ADAMTSL1: variants seen among roughly 807,000 people sequenced by gnomAD.
ADAMTSL1 encodes ADAMTS like 1, also known as ADAMTS-like protein 1.
A neutral mutation model predicts 201.8 loss-of-function variants in ADAMTSL1; 126 were observed. The observed-to-expected ratio is 0.62, with a 90% CI of 0.54 to 0.72. The LOEUF (loss-of-function observed/expected upper bound fraction) is 0.72. ADAMTSL1 is among the 30% of genes least tolerant of loss of function. The pLI is 0.00. For synonymous variants in ADAMTSL1, 1,121 were observed against 903.4 expected, an observed-to-expected ratio of 1.24 and a Z score of -4.32; for missense variants, 2,679 against 2,277.8, an observed-to-expected ratio of 1.18 and a Z score of -3.59.
intron 2 of ADAMTSL1, among the ~76,000 whole-genome samples, chr9:18,318,266 G>T (rs1342605332): frequency 6.6e-6 from 1 of 152,178 alleles, no homozygotes; most frequent in African/African-American, 2.4e-5. Context: ...GCATTTTAGA[G>T]AGTGGCCCCA....
intron 2 of ADAMTSL1, among the ~76,000 whole-genome samples, chr9:18,528,252 G>T (rs187695624): frequency 6.6e-6 from 1 of 151,964 alleles, no homozygotes; most frequent in Non-Finnish European, 1.5e-5. Flanking sequence ...TGTTACAAAG[G>T]TAAACGTGTG....
At chr9:18,284,960 G>A (rs1832939975) in intron 2 of ADAMTSL1, among the ~76,000 whole-genome samples, 1 of 152,088 alleles carries the variant, frequency 6.6e-6, no homozygotes, top group African/African-American at 2.4e-5. Context: ...GAACATTTTG[G>A]TCACTTTCAA....
At position 18,848,509 on chromosome 9, in the gene ADAMTSL1, C is replaced by T. The variant is rs189210355; in HGVS notation, c.4249+18532C>T. On this transcript the variant is annotated intron_variant, in intron 23 of 28. Transcript: ENST00000380548. ...GTTCCAGTCAAACCTCTCCCTCATA[C>T]TTGCCATGGCCTTGAGCCTCATGTA... 2.0e-5 allele frequency among the ~76,000 whole-genome samples: 3 copies of T among 152,302 alleles called. No individual in the cohort carries two copies. In the East Asian group the frequency reaches 5.8e-4, roughly 29 times the overall value.
intron 1 of ADAMTSL1, among the ~76,000 whole-genome samples, chr9:18,083,548 G>A (rs1400741275): frequency 2.6e-5 from 4 of 152,116 alleles, no homozygotes; most frequent in African/African-American, 4.8e-5. Flanking sequence ...GTAATTTCAG[G>A]CTTAAACCTT....
chr9:18,527,663 C>A (rs1197743182), intron 2 of ADAMTSL1, among the ~76,000 whole-genome samples: 1 of 151,910 alleles, frequency 6.6e-6, no homozygotes, highest in African/African-American at 2.4e-5. Flanking sequence ...GTGTATTATG[C>A]GTTAATGAGA....
chr9:18,438,753 C>T (rs1448374862), intron 2 of ADAMTSL1, among the ~76,000 whole-genome samples: 1 of 152,102 alleles, frequency 6.6e-6, no homozygotes, highest in Non-Finnish European at 1.5e-5. Context: ...ACTCAGCTTA[C>T]CCAAACAGAC....
chr9:17,942,745 C>A (rs1028523263), intron 1 of ADAMTSL1, among the ~76,000 whole-genome samples: 1 of 152,138 alleles, frequency 6.6e-6, no homozygotes, highest in Non-Finnish European at 1.5e-5. Context: ...TGGCACCACT[C>A]CAAGGTCTAT....
chr9:18,833,548 A>G (rs921497378), intron 23 of ADAMTSL1, among the ~76,000 whole-genome samples: 3 of 151,984 alleles, frequency 2.0e-5, no homozygotes, highest in Admixed American at 6.6e-5. Flanking sequence ...TTTTAATGCA[A>G]TTGTGTTTTT....
chr9:18,691,733 A>G (rs564050861), intron 13 of ADAMTSL1, among the ~76,000 whole-genome samples: 11 of 152,286 alleles, frequency 7.2e-5, no homozygotes, highest in South Asian at 4.2e-4. Flanking sequence ...TTGTGTTTCA[A>G]TCTTGACCTT....
At chr9:18,385,148 G>C (rs1323529106) in intron 2 of ADAMTSL1, among the ~76,000 whole-genome samples, 2 of 152,164 alleles carry the variant, frequency 1.3e-5, no homozygotes, top group African/African-American at 4.8e-5. Context: ...TGATGCTATT[G>C]TGGAGAGTCT....
intron 1 of ADAMTSL1, among the ~76,000 whole-genome samples, chr9:18,059,187 C>T (rs1822337534): frequency 6.6e-6 from 1 of 152,144 alleles, no homozygotes; most frequent in Non-Finnish European, 1.5e-5. Context: ...AAATGTGGCC[C>T]TCATCACATT....
At chr9:17,991,977 G>A (rs1819171048) in intron 1 of ADAMTSL1, among the ~76,000 whole-genome samples, 1 of 152,026 alleles carries the variant, frequency 6.6e-6, no homozygotes, top group Admixed American at 6.6e-5. Flanking sequence ...TAATCACCAG[G>A]GGCTTGGTGC....
intron 1 of ADAMTSL1, among the ~76,000 whole-genome samples, chr9:18,146,354 C>T (rs1213594659): frequency 6.6e-6 from 1 of 152,084 alleles, no homozygotes; most frequent in African/African-American, 2.4e-5. Flanking sequence ...CCAAAATATC[C>T]TTCAATAGGT....
intron 13 of ADAMTSL1, among the ~76,000 whole-genome samples, chr9:18,704,867 G>A (rs1025868577): frequency 2.0e-5 from 3 of 152,120 alleles, no homozygotes; most frequent in Non-Finnish European, 4.4e-5. Flanking sequence ...GATAATTCTG[G>A]GTGGCCATTC....
intron 3 of ADAMTSL1, among the ~76,000 whole-genome samples, chr9:18,550,174 G>T (rs1370424421): frequency 1.3e-5 from 2 of 151,938 alleles, no homozygotes; most frequent in Non-Finnish European, 2.9e-5. Context: ...GTAACACAAT[G>T]GTTCTCCAAA....
chr9:18,582,905 A>C (rs917782279), intron 4 of ADAMTSL1, among the ~76,000 whole-genome samples: 2 of 151,764 alleles, frequency 1.3e-5, no homozygotes, highest in Admixed American at 1.3e-4. Flanking sequence ...AAATAAAATA[A>C]AATAAAAAGG....
chr9:18,603,357 TATG>T, intron 4 of ADAMTSL1, among the ~76,000 whole-genome samples: 1 of 114,820 alleles, frequency 8.7e-6, no homozygotes, highest in South Asian at 2.5e-4. Context: ...TATGCTATGC[TATG>T]CTATGCTATG....
At chr9:18,402,547 T>C (rs1805327372) in intron 2 of ADAMTSL1, among the ~76,000 whole-genome samples, 1 of 152,176 alleles carries the variant, frequency 6.6e-6, no homozygotes, top group African/African-American at 2.4e-5. Flanking sequence ...CCGTTTTCAG[T>C]GACTTCCTAG....
At chr9:18,166,294 A>ACCC (rs1563779170) in intron 2 of ADAMTSL1, among the ~76,000 whole-genome samples, 1 of 151,886 alleles carries the variant, frequency 6.6e-6, no homozygotes, top group Non-Finnish European at 1.5e-5. Flanking sequence ...TTAATCACAA[A>ACCC]TGAATAGAGA....
Sources: allele counts gnomAD v4.1 joint callset (sites outside exome capture counted in the v4.1 genomes callset), GRCh38; gene constraint gnomAD v4.1.1; transcripts MANE v1.5; gene names NCBI Gene and HGNC (gene_info 2026-07-23, HGNC 2026-07-21).